Variants in PLPPR5 observed in about 807,000 individuals in gnomAD.
PLPPR5 encodes phospholipid phosphatase related 5, also known as phospholipid phosphatase-related protein type 5.
Under a neutral mutation model 33.9 loss-of-function variants are expected in PLPPR5, and 16 were observed. That is an observed-to-expected ratio of 0.47 (90% CI 0.32 to 0.72). The LOEUF (loss-of-function observed/expected upper bound fraction) is 0.72. Among genes scored for constraint, PLPPR5 ranks in the 30% least tolerant of loss-of-function variants. The pLI is 0.03. For missense variants in PLPPR5, 301 were observed against 406.7 expected (o/e 0.74, Z 2.23); for synonymous variants, 163 against 150.3 (o/e 1.08, Z -0.62).
At chr1:98,970,509 AAT>A (rs1651620041) in intron 1 of PLPPR5, among the ~76,000 whole-genome samples, 1 of 151,780 alleles carries the variant, frequency 6.6e-6, no homozygotes, top group African/African-American at 2.4e-5. Context: ...TTCAGTTTAT[AAT>A]ATATATGTAT....
chr1:98,893,478 G>C (rs540490286), intron 5 of PLPPR5, among the ~76,000 whole-genome samples: 4 of 151,922 alleles, frequency 2.6e-5, no homozygotes, highest in African/African-American at 4.8e-5. Context: ...GGTGTAGAAT[G>C]AGATAGTGAA....
intron 1 of PLPPR5, among the ~76,000 whole-genome samples, chr1:98,957,102 C>T (rs1056522952): frequency 7.3e-5 from 11 of 149,792 alleles, no homozygotes; most frequent in African/African-American, 2.2e-4. Context: ...AACCAAACAC[C>T]ACATATTCTC....
chr1:98,892,004 C>T lies in PLPPR5; in HGVS notation c.*1068G>A, dbSNP rs920335886. On this transcript the variant is annotated 3_prime_UTR_variant, in exon 6 of 6. Coordinates refer to ENST00000263177, the MANE Select transcript of PLPPR5 (RefSeq NM_001037317.2). ...ATTTTTCTTATCTATAAAAATAAAG[C>T]CATACCCTTCATGTTTATACCAGGT... 3 of 152,018 alleles carry T rather than the reference C, an allele frequency of 2.0e-5. No homozygotes were observed. Among genetic ancestry groups the T allele is most frequent in the Non-Finnish European group, 4.4e-5 (3 of 68,000 alleles). The allele number at this position is 152,018 out of a possible 1,614,324, so 9.4% of individuals were successfully genotyped here.
In PLPPR5 at chr1:99,004,468, G is replaced by A. The variant is rs766140368; in HGVS notation, c.204C>T (p.Leu68=). The A allele has an allele frequency of 1.2e-6, 2 of 1,611,614 alleles. No homozygotes were observed. Among genetic ancestry groups the A allele is most frequent in the Non-Finnish European group, 1.7e-6 (2 of 1,179,206 alleles). ...EDSSAVPPVL[L]YSLAAGVPVL... ...CGGGGACCCCGGCGGCCAGCGAGTA[G>A]AGGAGCACGGGGGGCACGGCGCTGC... Residue 68 remains leucine (L), a synonymous_variant, in exon 1 of 6, where the codon CTC becomes CTT. Coordinates refer to ENST00000263177, the MANE Select transcript of PLPPR5 (RefSeq NM_001037317.2).
chr1:98,898,590 T>G (rs565709420), intron 5 of PLPPR5, among the ~76,000 whole-genome samples: 7 of 152,138 alleles, frequency 4.6e-5, no homozygotes, highest in Non-Finnish European at 1.0e-4. Flanking sequence ...AGAGAAACAA[T>G]GTTAGAACTA....
At position 98,989,570 on chromosome 1, in the gene PLPPR5, CG is replaced by C. The variant is rs1652378399; in HGVS notation, c.237+14864del. Among the ~76,000 whole-genome samples the C allele has an allele frequency of 2.0e-5, 3 of 152,234 alleles. No individual in the cohort carries two copies. In the East Asian group the frequency reaches 5.8e-4, roughly 30 times the overall value. ...ACTGTTAAATAAAATGTACAGAACA[CG>C]GGCTTGGACTGAGCTCCTGCACTAG... On this transcript the variant is annotated intron_variant, in intron 1 of 5. Transcript: ENST00000263177.
rs1349066543 is a variant in PLPPR5, at chr1:98,915,611, A to G, written c.799-691T>C. Among the ~76,000 whole-genome samples the G allele has an allele frequency of 2.6e-5, 4 of 152,092 alleles. No individual in the cohort carries two copies. In the South Asian group the frequency reaches 6.2e-4, roughly 24 times the overall value. On this transcript the variant is annotated intron_variant, in intron 4 of 5. Coordinates refer to ENST00000263177, the MANE Select transcript of PLPPR5 (RefSeq NM_001037317.2). ...AATAAAAAGCCTGATGTTCTAAAAA[A>G]AAAGAAAAGAAAATTGACCCTTGTT...
intron 4 of PLPPR5, among the ~76,000 whole-genome samples, chr1:98,916,074 A>C (rs1649337105): frequency 6.6e-6 from 1 of 152,198 alleles, no homozygotes; most frequent in African/African-American, 2.4e-5. Flanking sequence ...CAAATGCTAC[A>C]CTGAAAAGCC....
chr1:98,959,779 T>C (rs1651159264), intron 1 of PLPPR5, among the ~76,000 whole-genome samples: 1 of 152,134 alleles, frequency 6.6e-6, no homozygotes, highest in African/African-American at 2.4e-5. Context: ...AGATAAGGCA[T>C]CTCCCTCAGT....
At position 99,004,025 on chromosome 1, in the gene PLPPR5, G is replaced by T. The variant is rs796875125; in HGVS notation, c.237+410C>A. Among the ~76,000 whole-genome samples the T allele has an allele frequency of 4.6e-5, 7 of 152,248 alleles. 1 individual carries two copies. The highest frequency in any genetic ancestry group is 1.7e-4 in the African/African-American group (7 of 41,568). On this transcript the variant is annotated intron_variant, in intron 1 of 5. Transcript: ENST00000263177. ...GCAATTGATCCCCTCTCTCCTCGCCGGCCCGCCCGCCGCTGCTCTTCTTCC... is the reference window on the plus strand; with the variant it reads ...GCAATTGATCCCCTCTCTCCTCGCCTGCCCGCCCGCCGCTGCTCTTCTTCC...
intron 1 of PLPPR5, among the ~76,000 whole-genome samples, chr1:98,980,015 T>C (rs72732404): frequency 0.091 from 13,848 of 152,022 alleles, 735 homozygotes; most frequent in Non-Finnish European, 0.11. Flanking sequence ...AGAAGCCATC[T>C]TTATCTTGGT....
intron 1 of PLPPR5, among the ~76,000 whole-genome samples, chr1:98,984,616 T>G (rs966191314): frequency 6.6e-6 from 1 of 152,222 alleles, no homozygotes; most frequent in South Asian, 2.1e-4. Flanking sequence ...CAAAACATTT[T>G]ATTGACTCTT....
At chr1:98,992,966 G>T (rs894098282) in intron 1 of PLPPR5, among the ~76,000 whole-genome samples, 1 of 152,062 alleles carries the variant, frequency 6.6e-6, no homozygotes, top group African/African-American at 2.4e-5. Flanking sequence ...GGGGTCATAG[G>T]TTAGCCACTT....
intron 3 of PLPPR5, among the ~76,000 whole-genome samples, chr1:98,932,887 C>A (rs918958460): frequency 6.6e-6 from 1 of 152,106 alleles, no homozygotes; most frequent in Non-Finnish European, 1.5e-5. Context: ...ATCTGGAAAG[C>A]AGCAAGGTCT....
At chr1:98,942,805 C>T (rs1233188191) in intron 3 of PLPPR5, among the ~76,000 whole-genome samples, 1 of 152,168 alleles carries the variant, frequency 6.6e-6, no homozygotes, top group African/African-American at 2.4e-5. Flanking sequence ...GAGGGGTGGA[C>T]ACCTCATTCA....
At chr1:99,002,553 T>G (rs79653518) in intron 1 of PLPPR5, among the ~76,000 whole-genome samples, 1 of 152,106 alleles carries the variant, frequency 6.6e-6, no homozygotes, top group Non-Finnish European at 1.5e-5. Flanking sequence ...AGAGCTGCTC[T>G]GAGAAATATA....
chr1:98,989,733 C>G (rs951971852), intron 1 of PLPPR5, among the ~76,000 whole-genome samples: 2 of 152,144 alleles, frequency 1.3e-5, no homozygotes, highest in Non-Finnish European at 2.9e-5. Flanking sequence ...CCAGTTCTGG[C>G]TGGCATGATA....
At chr1:98,920,609 A>G (rs1420434989) in intron 4 of PLPPR5, among the ~76,000 whole-genome samples, 1 of 149,998 alleles carries the variant, frequency 6.7e-6, no homozygotes, top group African/African-American at 2.5e-5. Flanking sequence ...AAAAAAAAAA[A>G]GCAGCACAGG....
intron 1 of PLPPR5, among the ~76,000 whole-genome samples, chr1:98,965,928 T>A (rs1463703581): frequency 6.6e-6 from 1 of 152,186 alleles, no homozygotes; most frequent in East Asian, 1.9e-4. Context: ...TTCAGAGATG[T>A]GTGAAATAAT....
Sources: gnomAD v4.1 joint callset for allele counts (sites outside exome capture counted in the v4.1 genomes callset) on GRCh38, gnomAD v4.1.1 for gene constraint, MANE v1.5 for transcripts, NCBI Gene and HGNC (gene_info 2026-07-23, HGNC 2026-07-21) for gene names.